Variants in APBB2 observed in about 807,000 individuals in gnomAD.
APBB2 encodes the protein amyloid beta precursor protein binding family B member 2, also known as Fe65-like 1.
APBB2 carries 38 observed loss-of-function variants against 82.5 expected under a neutral mutation model. That is an observed-to-expected ratio of 0.46 (90% CI 0.36 to 0.60). APBB2 has a LOEUF of 0.60. Ranked by LOEUF, APBB2 falls within the 20% of genes least tolerant of loss-of-function variation. APBB2 has a pLI of 0.00. For synonymous variants in APBB2, 341 were observed against 368.2 expected, an observed-to-expected ratio of 0.93 and a Z score of 0.85; for missense variants, 772 against 972.3, an observed-to-expected ratio of 0.79 and a Z score of 2.74.
rs777839450 is a variant in APBB2 at position 40,826,032 on chromosome 4, C to T, written c.1733-62G>A. On this transcript the variant is annotated intron_variant, in intron 14 of 17. Transcript: ENST00000508593. The surrounding 1 kb of genome is among the most constrained non-coding windows in gnomAD (Gnocchi z 4.5). ...TTCCAACACACATGTACACAACAGC[C>T]GTGGCTCTGCATCATCTGAATGCTC... 7.7e-6 allele frequency: 10 copies of T among 1,294,932 alleles called. No homozygotes were observed. Among genetic ancestry groups the T allele is most frequent in the East Asian group, 2.3e-5 (1 of 43,320 alleles). 80.2% of individuals were successfully genotyped at this position (1,294,932 alleles called of 1,614,324 possible).
At chr4:41,123,396 T>C (rs1753461952) in intron 2 of APBB2, among the ~76,000 whole-genome samples, 1 of 152,210 alleles carries the variant, frequency 6.6e-6, no homozygotes, top group African/African-American at 2.4e-5. Context: ...TCAGTGGTTA[T>C]CTTTTGCAGA....
chr4:41,102,549 G>C (rs1560757255), intron 2 of APBB2, among the ~76,000 whole-genome samples: 1 of 152,142 alleles, frequency 6.6e-6, no homozygotes, highest in Non-Finnish European at 1.5e-5. Flanking sequence ...CTAGGTTATC[G>C]CAGAAGGCTG....
At position 41,144,476 on chromosome 4, in the gene APBB2, A is replaced by C. The variant is rs559196589; in HGVS notation, c.-416-1334T>G. Among the ~76,000 whole-genome samples, 23 of 152,332 alleles carry C rather than the reference A, an allele frequency of 1.5e-4. No individual in the cohort carries two copies. In the South Asian group the frequency reaches 4.6e-3, roughly 30 times the overall value. On this transcript the variant is annotated intron_variant, in intron 1 of 17. Transcript: ENST00000508593. Reference sequence around the variant, plus strand: ...TTCTAGTATTTTCCAAATTTTCTACAATTAACATGTATTTTAAGAGAATTT... The same window carrying C: ...TTCTAGTATTTTCCAAATTTTCTACCATTAACATGTATTTTAAGAGAATTT...
At chr4:40,854,980 C>G (rs940082062) in intron 12 of APBB2, among the ~76,000 whole-genome samples, 4 of 152,206 alleles carry the variant, frequency 2.6e-5, no homozygotes, top group African/African-American at 9.7e-5. Context: ...CCCCTCCTTG[C>G]AGCTGCAGGC....
chr4:41,071,702 T>A (rs1258690658), intron 3 of APBB2, among the ~76,000 whole-genome samples: 1 of 152,064 alleles, frequency 6.6e-6, no homozygotes, highest in Non-Finnish European at 1.5e-5. Context: ...TTAAAATTTT[T>A]TAAAAAAAAT....
intron 12 of APBB2, among the ~76,000 whole-genome samples, chr4:40,848,330 C>T (rs1205617455): frequency 6.6e-6 from 1 of 152,222 alleles, no homozygotes; most frequent in East Asian, 1.9e-4. Flanking sequence ...AGCATCACGA[C>T]TCATTTTACA....
intron 10 of APBB2, among the ~76,000 whole-genome samples, chr4:40,930,143 A>G (rs888816422): frequency 6.6e-6 from 1 of 152,200 alleles, no homozygotes; most frequent in Non-Finnish European, 1.5e-5. Flanking sequence ...AGCAAATAAT[A>G]TGATATCAAT....
chr4:41,155,834 A>G (rs1038318411), intron 1 of APBB2, among the ~76,000 whole-genome samples: 6 of 152,260 alleles, frequency 3.9e-5, no homozygotes, highest in African/African-American at 1.4e-4. Context: ...GGCAGATTTC[A>G]GGCCCTCCAG....
chr4:41,048,154 A>G (rs920095311), intron 4 of APBB2, among the ~76,000 whole-genome samples: 1 of 152,226 alleles, frequency 6.6e-6, no homozygotes, highest in Admixed American at 6.5e-5. Context: ...CCAGTTGAGC[A>G]TCCCAAATCC....
intron 6 of APBB2, among the ~76,000 whole-genome samples, chr4:41,002,984 C>T (rs1463695667): frequency 6.6e-6 from 1 of 152,140 alleles, no homozygotes; most frequent in Admixed American, 6.5e-5. Context: ...ATAGTCTTGT[C>T]TGTCTGTTTC....
At chr4:41,054,162 C>A (rs6853121) in intron 4 of APBB2, among the ~76,000 whole-genome samples, 10,904 of 152,188 alleles carry the variant, frequency 0.072, 1,282 homozygotes, top group African/African-American at 0.25. Context: ...GACATGAAGG[C>A]TGCTGTACAT....
rs183317445 is a variant in APBB2, at chr4:40,957,340, T to C, written c.836-12267A>G. Among the ~76,000 whole-genome samples the C allele has an allele frequency of 7.2e-5, 11 of 152,280 alleles. No homozygotes were observed. The East Asian group carries it at 2.1e-3, about 29-fold the overall frequency. ...CATTTTTTTTTATTAAAAAGGTAAT[T>C]TGTACTTAGATCAAGAAAACTAGAT... On this transcript the variant is annotated intron_variant, in intron 6 of 17. Coordinates refer to ENST00000508593, the MANE Select transcript of APBB2 (RefSeq NM_004307.2).
At chr4:40,854,280 T>G (rs1760418963) in intron 12 of APBB2, among the ~76,000 whole-genome samples, 1 of 152,232 alleles carries the variant, frequency 6.6e-6, no homozygotes, top group Non-Finnish European at 1.5e-5. Context: ...ACACAAGCTC[T>G]TTAAAAAGAC....
At chr4:41,133,146 G>A (rs28669746) in intron 2 of APBB2, among the ~76,000 whole-genome samples, 188 of 151,988 alleles carry the variant, frequency 1.2e-3, no homozygotes, top group African/African-American at 4.2e-3. Context: ...ATATGTACAC[G>A]TAAGTGTGTA....
rs932237827 is a variant in APBB2, at chr4:41,143,147, G to A, written c.-416-5C>T. On this transcript the variant is annotated splice_polypyrimidine_tract_variant and splice_region_variant and intron_variant, in intron 1 of 17. Coordinates refer to ENST00000508593, the MANE Select transcript of APBB2 (RefSeq NM_004307.2). ...CTCACCCACAGCAACTCCAACCTGG[G>A]GGGGCAAAGGCCAGAAGCCATTATA... 2.6e-5 allele frequency: 4 copies of A among 152,266 alleles called. No homozygotes were observed. The highest frequency in any genetic ancestry group is 5.9e-5 in the Non-Finnish European group (4 of 68,122). 9.4% of individuals were successfully genotyped at this position (152,266 alleles called of 1,614,324 possible). A position where few individuals can be genotyped will look rare whatever the true frequency, so the allele number is the denominator to read the frequency against.
chr4:40,914,599 C>T (rs998628262), intron 10 of APBB2, among the ~76,000 whole-genome samples: 5 of 152,046 alleles, frequency 3.3e-5, no homozygotes, highest in Non-Finnish European at 5.9e-5. Flanking sequence ...GATAGATAAA[C>T]AAATAAATGG....
intron 3 of APBB2, among the ~76,000 whole-genome samples, chr4:41,087,155 T>A (rs971604482): frequency 6.6e-6 from 1 of 151,976 alleles, no homozygotes; most frequent in Non-Finnish European, 1.5e-5. Context: ...AATAAATAAA[T>A]AAATATTGAT....
intron 4 of APBB2, among the ~76,000 whole-genome samples, chr4:41,051,354 C>T (rs1052684977): frequency 1.3e-5 from 2 of 152,260 alleles, no homozygotes; most frequent in African/African-American, 2.4e-5. Context: ...TTAGGACACA[C>T]TTACATGGAT....
intron 12 of APBB2, among the ~76,000 whole-genome samples, chr4:40,859,501 G>A (rs531876171): frequency 3.9e-5 from 6 of 152,154 alleles, no homozygotes; most frequent in East Asian, 1.9e-4. Context: ...CACCGCACCC[G>A]GCCTGCAGTA....
Sources: allele counts gnomAD v4.1 joint callset (sites outside exome capture counted in the v4.1 genomes callset), GRCh38; gene constraint gnomAD v4.1.1; non-coding constraint Gnocchi (gnomAD v3.1); transcripts MANE v1.5; gene names NCBI Gene and HGNC (gene_info 2026-07-23, HGNC 2026-07-21).